CALD1: variants seen among roughly 807,000 people sequenced by gnomAD.
CALD1 encodes the protein caldesmon.
Under a neutral mutation model 99.9 loss-of-function variants are expected in CALD1, and 33 were observed. The observed-to-expected ratio is 0.33, with a 90% CI of 0.25 to 0.44. The LOEUF (loss-of-function observed/expected upper bound fraction) is 0.44. CALD1 is among the 20% of genes least tolerant of loss of function. CALD1 has a pLI of 1.00. For synonymous variants in CALD1, 310 were observed against 325.0 expected (o/e 0.95, Z 0.50); for missense variants, 861 against 962.1 (o/e 0.89, Z 1.39).
chr7:134,823,534 C>T (rs1798865991), intron 1 of CALD1, among the ~76,000 whole-genome samples: 1 of 152,164 alleles, frequency 6.6e-6, no homozygotes, highest in African/African-American at 2.4e-5. Flanking sequence ...CATTAGGAAC[C>T]ATTAGTGATG....
the CALD1 span, among the ~76,000 whole-genome samples, chr7:134,718,104 A>G: frequency 6.6e-6 from 1 of 152,228 alleles, no homozygotes; most frequent in Non-Finnish European, 1.5e-5. Flanking sequence ...ATGGTAAGAG[A>G]AGAAAAATGG....
the CALD1 span, among the ~76,000 whole-genome samples, chr7:134,721,116 C>T: frequency 2.6e-5 from 4 of 152,172 alleles, no homozygotes; most frequent in Admixed American, 1.3e-4. Flanking sequence ...GCCGCTGGAA[C>T]AGGAGGCTCT....
rs1475742133 is a variant in CALD1 at position 134,772,895 on chromosome 7, C to T, written c.-130+28532C>T. On this transcript the variant is annotated intron_variant, in intron 1 of 13. Transcript: ENST00000417172. ...CTATTGTCCTGGGATTTTCTTTTAC[C>T]ATTATGGGACTCTTTCACCTCTATC... 5.3e-5 allele frequency among the ~76,000 whole-genome samples: 8 copies of T among 152,300 alleles called. No homozygotes were observed. The East Asian group carries it at 7.7e-4, about 15-fold the overall frequency.
chr7:134,934,193 C>G, intron 5 of CALD1, 116 bp downstream of exon 5: 1 of 1,462,840 alleles, frequency 6.8e-7, no homozygotes, highest in African/African-American at 1.4e-5. Flanking sequence ...GATCATTTGG[C>G]AAGCTGTTCA....
chr7:134,894,446 C>T (rs1210995875), intron 3 of CALD1, among the ~76,000 whole-genome samples: 1 of 152,216 alleles, frequency 6.6e-6, no homozygotes, highest in African/African-American at 2.4e-5. Flanking sequence ...GTAAATCAAA[C>T]TCAATTCCCC....
chr7:134,711,867 G>A, the CALD1 span, among the ~76,000 whole-genome samples: 1 of 151,402 alleles, frequency 6.6e-6, no homozygotes, highest in African/African-American at 2.4e-5. Flanking sequence ...TGAAGGCTCA[G>A]GCAAGGTTGG....
intron 1 of CALD1, among the ~76,000 whole-genome samples, chr7:134,833,897 C>T (rs2132093281): frequency 6.6e-6 from 1 of 152,246 alleles, no homozygotes; most frequent in African/African-American, 2.4e-5. Context: ...AAGAGCAAAT[C>T]TCAAACTTTT....
At chr7:134,897,785 CA>C (rs1802689649) in intron 3 of CALD1, among the ~76,000 whole-genome samples, 1 of 152,142 alleles carries the variant, frequency 6.6e-6, no homozygotes, top group African/African-American at 2.4e-5. Context: ...TGGCTCACTG[CA>C]GCCTCAACCT....
intron 1 of CALD1, among the ~76,000 whole-genome samples, chr7:134,825,822 A>G (rs148640024): frequency 7.9e-5 from 12 of 152,264 alleles, no homozygotes; most frequent in Non-Finnish European, 1.5e-4. Context: ...GGGCATTGCA[A>G]CTGAGGGTAG....
chr7:134,799,877 A>C (rs552053866), intron 1 of CALD1, among the ~76,000 whole-genome samples: 1 of 152,336 alleles, frequency 6.6e-6, no homozygotes, highest in South Asian at 2.1e-4. Flanking sequence ...TTCATCAAGA[A>C]AAACAAGGAA....
chr7:134,889,888 A>G (rs1309945453), intron 3 of CALD1, among the ~76,000 whole-genome samples: 4 of 152,160 alleles, frequency 2.6e-5, no homozygotes, highest in Non-Finnish European at 5.9e-5. Flanking sequence ...TCTATAAACT[A>G]TGACTTCATT....
chr7:134,747,129 T>C (rs551697133), intron 1 of CALD1, among the ~76,000 whole-genome samples: 1 of 152,338 alleles, frequency 6.6e-6, no homozygotes, highest in South Asian at 2.1e-4. Context: ...GTATAGATTG[T>C]CATCTCAATG....
intron 2 of CALD1, among the ~76,000 whole-genome samples, chr7:134,845,108 G>A (rs1025617371): frequency 2.0e-5 from 3 of 152,020 alleles, no homozygotes; most frequent in Non-Finnish European, 2.9e-5. Context: ...CTCTTTTAGC[G>A]ATTACATTAC....
At chr7:134,902,252 C>G (rs1255004491) in intron 3 of CALD1, among the ~76,000 whole-genome samples, 1 of 152,020 alleles carries the variant, frequency 6.6e-6, no homozygotes, top group African/African-American at 2.4e-5. Flanking sequence ...TGAAAGGCAA[C>G]CAGGAAGTGT....
chr7:134,803,769 C>T (rs1405624437), intron 1 of CALD1, among the ~76,000 whole-genome samples: 2 of 151,072 alleles, frequency 1.3e-5, no homozygotes, highest in Non-Finnish European at 2.9e-5. Context: ...AATCTCGGCT[C>T]GCTGCAACCT....
intron 14 of CALD1, among the ~76,000 whole-genome samples, chr7:134,967,189 G>C (rs1808738398): frequency 6.6e-6 from 1 of 152,104 alleles, no homozygotes. Context: ...AAACATGAAT[G>C]GTACTCCCTG....
chr7:134,775,535 C>A (rs949287234), upstream of CALD1, among the ~76,000 whole-genome samples: 1 of 152,012 alleles, frequency 6.6e-6, no homozygotes, highest in South Asian at 2.1e-4. Flanking sequence ...CATGGTGAAA[C>A]CCTGTCTCTA....
At chr7:134,947,031 GACC>G (rs2133116161) in intron 7 of CALD1, among the ~76,000 whole-genome samples, 1 of 152,252 alleles carries the variant, frequency 6.6e-6, no homozygotes, top group East Asian at 1.9e-4. Context: ...GGTATGGCTA[GACC>G]ACCTTTTATT....
rs538783860 is a variant in CALD1 at position 134,911,170 on chromosome 7, CTGAAACCTGAGAGG to C, written c.72-17582_72-17569del. Among the ~76,000 whole-genome samples the C allele has an allele frequency of 4.0e-5, 6 of 150,328 alleles. No individual in the cohort carries two copies. In the East Asian group the frequency reaches 1.2e-3, roughly 29 times the overall value. On this transcript the variant is annotated intron_variant, in intron 3 of 14. Transcript: ENST00000361675. ...ATATGGTTTTGTCATGATGATGAAA[CTGAAACCTGAGAGG>C]TCATTTCCTTTTTCTTTTTTTTTTT...
Sources: allele counts gnomAD v4.1 joint callset (sites outside exome capture counted in the v4.1 genomes callset), GRCh38; gene constraint gnomAD v4.1.1; transcripts MANE v1.5; gene names NCBI Gene and HGNC (gene_info 2026-07-23, HGNC 2026-07-21).